IL1RAPL1: variants seen among roughly 807,000 people sequenced by gnomAD.
The protein encoded by IL1RAPL1 is interleukin-1 receptor accessory protein-like 1.
In IL1RAPL1, 3 loss-of-function variants were observed where a neutral mutation model predicts 48.4. The observed-to-expected ratio is 0.06, with a 90% CI of 0.03 to 0.16. The LOEUF is 0.16. Among genes scored for constraint, IL1RAPL1 ranks in the 10% least tolerant of loss-of-function variants. The pLI is 1.00. For missense variants in IL1RAPL1, 349 were observed against 530.6 expected (o/e 0.66, Z 3.36); for synonymous variants, 185 against 187.7 (o/e 0.99, Z 0.12).
At chrX:28,748,605 C>T (rs1936005725) in intron 1 of IL1RAPL1, among the ~76,000 whole-genome samples, 1 of 111,675 alleles carries the variant, frequency 9.0e-6, no homozygotes, top group Non-Finnish European at 1.9e-5. Flanking sequence ...CTTGAATTTA[C>T]AAAATAAACC....
intron 2 of IL1RAPL1, among the ~76,000 whole-genome samples, chrX:29,228,664 AT>A (rs1470976531): frequency 9.0e-6 from 1 of 111,223 alleles, no homozygotes; most frequent in African/African-American, 3.3e-5. Context: ...GTTTTGCCTA[AT>A]TTTTAAAATC....
Position 29,309,001 on chromosome X carries a change from G to T in IL1RAPL1, c.362+25784G>T, listed in dbSNP as rs189716966. Among the ~76,000 whole-genome samples the T allele has an allele frequency of 4.5e-4, 51 of 112,333 alleles. 1 individual carries two copies. Among genetic ancestry groups the T allele is most frequent in the Middle Eastern group, 4.6e-3 (1 of 216 alleles). On this transcript the variant is annotated intron_variant, in intron 3 of 10. Coordinates refer to ENST00000378993, the MANE Select transcript of IL1RAPL1 (RefSeq NM_014271.4). ...GCTTTATCTTAAACACCAGCAAATAGCTCAGTTATTACTTAGCACAGCTGC... is the reference window on the plus strand; with the variant it reads ...GCTTTATCTTAAACACCAGCAAATATCTCAGTTATTACTTAGCACAGCTGC...
rs201514662 is a variant in IL1RAPL1 at position 29,520,709 on chromosome X, CTTATTA to C, written c.703+121415_703+121420del. Among the ~76,000 whole-genome samples the C allele has an allele frequency of 2.7e-5, 3 of 110,825 alleles. No homozygotes were observed. In the South Asian group the frequency reaches 1.1e-3, roughly 41 times the overall value. On this transcript the variant is annotated intron_variant, in intron 5 of 10. Transcript: ENST00000378993. ...GTTCTTGCTCCCAAATAACAAAAGG[CTTATTA>C]TTATTATTATTATCTTTATTGGATC...
At chrX:29,730,458 C>T (rs758813744) in intron 6 of IL1RAPL1, among the ~76,000 whole-genome samples, 2 of 111,672 alleles carry the variant, frequency 1.8e-5, no homozygotes, top group Non-Finnish European at 3.8e-5. Flanking sequence ...GTCCTCTTGT[C>T]AAGTCAAATG....
intron 6 of IL1RAPL1, among the ~76,000 whole-genome samples, chrX:29,709,833 A>C (rs746608119): frequency 8.9e-6 from 1 of 111,794 alleles, no homozygotes; most frequent in East Asian, 2.8e-4. Flanking sequence ...TGTATTCTTC[A>C]ATTTCTTTCA....
intron 2 of IL1RAPL1, among the ~76,000 whole-genome samples, chrX:29,134,925 AC>A (rs1929094063): frequency 8.9e-6 from 1 of 111,925 alleles, no homozygotes. Flanking sequence ...TCTCCCATTT[AC>A]TTTTTCTAAA....
chrX:29,711,120 T>C (rs1406319483), intron 6 of IL1RAPL1, among the ~76,000 whole-genome samples: 5 of 99,394 alleles, frequency 5.0e-5, no homozygotes, highest in Non-Finnish European at 1.0e-4. Context: ...TTTAGGCCTC[T>C]TTACATCTTT....
At chrX:29,936,277 C>A (rs1933031836) in intron 8 of IL1RAPL1, among the ~76,000 whole-genome samples, 1 of 110,994 alleles carries the variant, frequency 9.0e-6, no homozygotes, top group Admixed American at 9.6e-5. Flanking sequence ...TAAACTTTAG[C>A]TCTTTATAAC....
chrX:29,521,249 G>C (rs935912375), intron 5 of IL1RAPL1, among the ~76,000 whole-genome samples: 3 of 111,886 alleles, frequency 2.7e-5, no homozygotes, highest in African/African-American at 9.7e-5. Flanking sequence ...TGGAGCCTCG[G>C]TGAGTAGGCA....
intron 3 of IL1RAPL1, among the ~76,000 whole-genome samples, chrX:29,373,921 T>C (rs1278468267): frequency 5.4e-5 from 5 of 92,208 alleles, no homozygotes; most frequent in Non-Finnish European, 8.4e-5. Context: ...TTGCTGAGGC[T>C]GGTCTCAAAC....
intron 1 of IL1RAPL1, among the ~76,000 whole-genome samples, chrX:28,735,442 A>G (rs192849833): frequency 9.0e-6 from 1 of 111,271 alleles, no homozygotes; most frequent in East Asian, 2.8e-4. Context: ...AATATTTTTC[A>G]GAAAAAAATT....
intron 5 of IL1RAPL1, among the ~76,000 whole-genome samples, chrX:29,537,175 A>G (rs1921261505): frequency 9.0e-6 from 1 of 111,335 alleles, no homozygotes; most frequent in Non-Finnish European, 1.9e-5. Context: ...TTCAAACTTT[A>G]CCTGTGCGAG....
intron 1 of IL1RAPL1, among the ~76,000 whole-genome samples, chrX:28,623,466 G>A (rs1934306278): frequency 9.0e-6 from 1 of 111,641 alleles, no homozygotes; most frequent in South Asian, 3.7e-4. Flanking sequence ...TACTTAGGGT[G>A]TCTCTTGCAG....
chrX:29,614,562 T>TCAA (rs1924219427), intron 5 of IL1RAPL1, among the ~76,000 whole-genome samples: 2 of 112,012 alleles, frequency 1.8e-5, no homozygotes, highest in African/African-American at 6.5e-5. Flanking sequence ...ACATTCTGTC[T>TCAA]TTAGTTAAAA....
intron 2 of IL1RAPL1, among the ~76,000 whole-genome samples, chrX:29,265,489 A>G (rs1356592231): frequency 9.2e-6 from 1 of 108,147 alleles, no homozygotes; most frequent in Non-Finnish European, 1.9e-5. Flanking sequence ...TTATTATTAT[A>G]CTTTAAGTTT....
In IL1RAPL1 at chrX:29,739,306, A is replaced by G. The variant is rs191099005; in HGVS notation, c.778+70802A>G. The stretch of plus-strand genomic sequence containing the variant: ...TTATACATTTAAGATGTTAAAATGT[A>G]TCATAATTTTATTATAACTGAAAAT... On this transcript the variant is annotated intron_variant, in intron 6 of 10. Coordinates refer to ENST00000378993, the MANE Select transcript of IL1RAPL1 (RefSeq NM_014271.4). Among the ~76,000 whole-genome samples, 5 of 112,891 alleles carry G rather than the reference A, an allele frequency of 4.4e-5. No homozygotes were observed. In the East Asian group the frequency reaches 1.1e-3, roughly 25 times the overall value.
chrX:29,273,387 A>G (rs1932071990), intron 2 of IL1RAPL1, among the ~76,000 whole-genome samples: 1 of 110,867 alleles, frequency 9.0e-6, no homozygotes, highest in African/African-American at 3.3e-5. Context: ...TTTCTGGAAG[A>G]TTTTAGGGGG....
intron 6 of IL1RAPL1, among the ~76,000 whole-genome samples, chrX:29,906,830 G>A (rs1050566270): frequency 9.1e-6 from 1 of 109,721 alleles, no homozygotes; most frequent in African/African-American, 3.3e-5. Flanking sequence ...CAAATCCCTG[G>A]AACTCTCCAG....
In IL1RAPL1 at chrX:29,079,874, T is replaced by C. The variant is rs111435057; in HGVS notation, c.83-203064T>C. On this transcript the variant is annotated intron_variant, in intron 2 of 10. Coordinates refer to ENST00000378993, the MANE Select transcript of IL1RAPL1 (RefSeq NM_014271.4). ...ATGAGCAACTTCACTTAGAGCATGT[T>C]CAGTAAAGACATACAAATAAATAAA... is the stretch of plus-strand genomic sequence containing the variant. 4.3e-3 allele frequency among the ~76,000 whole-genome samples: 479 copies of C among 111,253 alleles called. 3 individuals are homozygous for C. The highest frequency in any genetic ancestry group is 0.013 in the African/African-American group (386 of 30,530).
Sources: gnomAD v4.1 joint callset for allele counts (sites outside exome capture counted in the v4.1 genomes callset) on GRCh38, gnomAD v4.1.1 for gene constraint, MANE v1.5 for transcripts, NCBI Gene and HGNC (gene_info 2026-07-23, HGNC 2026-07-21) for gene names.